The following DPP10 variants were observed in gnomAD, a reference collection of about 807,000 sequenced individuals.
DPP10 encodes dipeptidyl peptidase like 10.
Under a neutral mutation model 120.9 loss-of-function variants are expected in DPP10, and 33 were observed. The observed-to-expected ratio is 0.27, with a 90% CI of 0.21 to 0.37. The LOEUF (loss-of-function observed/expected upper bound fraction) is 0.37. DPP10 is among the 10% of genes least tolerant of loss of function. The pLI is 1.00. For synonymous variants in DPP10, 337 were observed against 326.1 expected (o/e 1.03, Z -0.36); for missense variants, 816 against 942.8 (o/e 0.87, Z 1.76).
intron 1 of DPP10, among the ~76,000 whole-genome samples, chr2:114,643,522 T>C (rs1404734950): frequency 6.6e-6 from 1 of 151,918 alleles, no homozygotes; most frequent in Non-Finnish European, 1.5e-5. Context: ...CTTTGTCTTC[T>C]GCTAAGCCTT....
chr2:115,242,167 C>G (rs1466662342), intron 1 of DPP10, among the ~76,000 whole-genome samples: 6 of 151,912 alleles, frequency 3.9e-5, no homozygotes, highest in Non-Finnish European at 7.4e-5. Context: ...CACCCTTTCC[C>G]CCTGAGTCCT....
intron 5 of DPP10, chr2:115,579,897 T>G (rs188021666): frequency 6.6e-6 from 1 of 152,344 alleles, no homozygotes; most frequent in East Asian, 1.9e-4. Flanking sequence ...CCATAGTGTT[T>G]CGCTGCACCT....
intron 1 of DPP10, among the ~76,000 whole-genome samples, chr2:115,136,991 T>C (rs1002872005): frequency 6.6e-6 from 1 of 152,200 alleles, no homozygotes; most frequent in Non-Finnish European, 1.5e-5. Flanking sequence ...TTGTACTAGG[T>C]AGAGTTTGTG....
In DPP10 at chr2:114,486,155, A is replaced by G. The variant is rs1681501636; in HGVS notation, c.60+43317A>G. On this transcript the variant is annotated intron_variant, in intron 1 of 25. Transcript: ENST00000410059. ...GGAAATTCAACGCTGTAGTACTGCC[A>G]TCCTGTGTAGATCAGACTGACTAGG... Among the ~76,000 whole-genome samples the G allele has an allele frequency of 2.6e-5, 4 of 152,132 alleles. No homozygotes were observed. The South Asian group carries it at 8.3e-4, about 32-fold the overall frequency.
chr2:114,821,860 C>T (rs1686117126), intron 1 of DPP10, among the ~76,000 whole-genome samples: 1 of 152,168 alleles, frequency 6.6e-6, no homozygotes, highest in Non-Finnish European at 1.5e-5. Flanking sequence ...AAGTTGGCTC[C>T]CACAGCCTTA....
At chr2:115,741,862 T>C (rs1677316590) in intron 9 of DPP10, among the ~76,000 whole-genome samples, 1 of 152,088 alleles carries the variant, frequency 6.6e-6, no homozygotes, top group South Asian at 2.1e-4. Flanking sequence ...TTTGACTAGA[T>C]TGAGACAAAC....
intron 1 of DPP10, among the ~76,000 whole-genome samples, chr2:114,448,867 T>C (rs1678097377): frequency 6.6e-6 from 1 of 152,164 alleles, no homozygotes; most frequent in Non-Finnish European, 1.5e-5. Context: ...TAAATATATA[T>C]TTGTTGGTTA....
At chr2:115,578,246 C>T (rs1381048429) in intron 5 of DPP10, among the ~76,000 whole-genome samples, 1 of 152,028 alleles carries the variant, frequency 6.6e-6, no homozygotes, top group African/African-American at 2.4e-5. Flanking sequence ...TTTTTGTGCA[C>T]CATAAGGGAA....
At chr2:115,736,197 G>T (rs183547758) in intron 8 of DPP10, among the ~76,000 whole-genome samples, 80 of 152,244 alleles carry the variant, frequency 5.3e-4, no homozygotes, top group African/African-American at 1.9e-3. Flanking sequence ...ATTGTGTTCT[G>T]TGGGTTATTG....
At chr2:114,444,372 A>C (rs1041953981) in intron 1 of DPP10, among the ~76,000 whole-genome samples, 4 of 152,170 alleles carry the variant, frequency 2.6e-5, no homozygotes, top group African/African-American at 4.8e-5. Flanking sequence ...TAGAGTTACA[A>C]ACTGGCTGCC....
At chr2:114,586,038 A>T (rs1690953093) in intron 1 of DPP10, among the ~76,000 whole-genome samples, 1 of 152,202 alleles carries the variant, frequency 6.6e-6, no homozygotes, top group Admixed American at 6.5e-5. Flanking sequence ...GCTTGGGCTC[A>T]GGAGTTCGAG....
chr2:115,511,466 C>T (rs1388994589), intron 4 of DPP10, among the ~76,000 whole-genome samples: 3 of 151,808 alleles, frequency 2.0e-5, no homozygotes, highest in Admixed American at 2.0e-4. Context: ...TTTTTCTCAT[C>T]CATCTATCTA....
intron 13 of DPP10, among the ~76,000 whole-genome samples, chr2:115,772,537 A>G (rs771984818): frequency 6.6e-6 from 1 of 152,184 alleles, no homozygotes; most frequent in African/African-American, 2.4e-5. Flanking sequence ...GGAAATCTAT[A>G]TAGCTAAAGA....
At chr2:115,433,638 T>C (rs967303007) in intron 3 of DPP10, among the ~76,000 whole-genome samples, 3 of 151,972 alleles carry the variant, frequency 2.0e-5, no homozygotes, top group African/African-American at 4.8e-5. Context: ...ACTTTAAAAA[T>C]AGAACATCAG....
intron 1 of DPP10, among the ~76,000 whole-genome samples, chr2:115,224,468 C>T (rs11886744): frequency 0.4 from 61,405 of 151,710 alleles, 13,567 homozygotes; most frequent in Non-Finnish European, 0.5. Flanking sequence ...CTCATATAAG[C>T]GAGATATTAT....
intron 20 of DPP10, among the ~76,000 whole-genome samples, chr2:115,815,226 G>A (rs1212097512): frequency 6.6e-6 from 1 of 151,944 alleles, no homozygotes; most frequent in African/African-American, 2.4e-5. Flanking sequence ...TATGGAAGTT[G>A]GATACATTTT....
chr2:115,147,156 CTATATATAT>C (rs1221731870), intron 1 of DPP10, among the ~76,000 whole-genome samples: 1 of 150,818 alleles, frequency 6.6e-6, no homozygotes, highest in Non-Finnish European at 1.5e-5. Flanking sequence ...ACTATATATA[CTATATATAT>C]GCATATATAG....
intron 19 of DPP10, among the ~76,000 whole-genome samples, chr2:115,798,273 T>C (rs910329614): frequency 2.0e-5 from 3 of 151,956 alleles, no homozygotes; most frequent in Admixed American, 1.3e-4. Flanking sequence ...AGTCTCTTTT[T>C]CTGTTTTAAT....
chr2:114,447,061 G>A (rs1448134082), intron 1 of DPP10, among the ~76,000 whole-genome samples: 1 of 147,130 alleles, frequency 6.8e-6, no homozygotes, highest in Non-Finnish European at 1.5e-5. Context: ...TTGAGACGGA[G>A]TCTCAGCTCA....
Sources: gnomAD v4.1 joint callset for allele counts (sites outside exome capture counted in the v4.1 genomes callset) on GRCh38, gnomAD v4.1.1 for gene constraint, MANE v1.5 for transcripts, NCBI Gene and HGNC (gene_info 2026-07-23, HGNC 2026-07-21) for gene names.